The following CACNA2D3 variants were observed in gnomAD, a reference collection of about 807,000 sequenced individuals.
CACNA2D3 encodes calcium voltage-gated channel auxiliary subunit alpha2delta 3, also known as voltage-dependent calcium channel subunit alpha-2/delta-3.
CACNA2D3 carries 60 observed loss-of-function variants against 160.6 expected under a neutral mutation model. That is an observed-to-expected ratio of 0.37 (90% CI 0.30 to 0.46). CACNA2D3 has a LOEUF of 0.46. Ranked by LOEUF, CACNA2D3 falls within the 20% of genes least tolerant of loss-of-function variation. The pLI is 1.00. For missense variants in CACNA2D3, 1,205 were observed against 1,365.0 expected (o/e 0.88, Z 1.85); for synonymous variants, 558 against 492.9 (o/e 1.13, Z -1.75).
chr3:54,355,539 G>A (rs1698634126), intron 3 of CACNA2D3, among the ~76,000 whole-genome samples: 1 of 150,340 alleles, frequency 6.7e-6, no homozygotes, highest in Non-Finnish European at 1.5e-5. Context: ...GGGAGCATGT[G>A]TTGGCCATGG....
At chr3:54,410,889 G>A (rs1575440568) in intron 4 of CACNA2D3, among the ~76,000 whole-genome samples, 2 of 152,142 alleles carry the variant, frequency 1.3e-5, no homozygotes, top group East Asian at 3.8e-4. Flanking sequence ...TTTTGGAAAG[G>A]ATTCACCATT....
chr3:54,678,497 C>A (rs1398670649), intron 11 of CACNA2D3, among the ~76,000 whole-genome samples: 1 of 151,678 alleles, frequency 6.6e-6, no homozygotes, highest in Non-Finnish European at 1.5e-5. Context: ...CCAAGGAGGG[C>A]GGATCATGAG....
chr3:54,530,710 G>A (rs1006928845), intron 5 of CACNA2D3, among the ~76,000 whole-genome samples: 1 of 152,184 alleles, frequency 6.6e-6, no homozygotes, highest in Non-Finnish European at 1.5e-5. Context: ...TTTTATAAAT[G>A]AAGAAGGGAA....
Position 55,073,480 on chromosome 3 carries a change from T to C in CACNA2D3, c.3023T>C (p.Leu1008Pro). 6.2e-7 allele frequency: 1 copy of C among 1,613,974 alleles called. No homozygotes were observed. The highest frequency in any genetic ancestry group is 8.5e-7 in the Non-Finnish European group (1 of 1,179,860). Residue 1008 changes from leucine (L) to proline (P), a missense_variant, in exon 36 of 38, where the codon CTG becomes CCG. This residue lies in a region of CACNA2D3 where 911 missense variants were observed against 1,002.2 expected (regional missense o/e 0.91). Coordinates refer to ENST00000474759, the MANE Select transcript of CACNA2D3 (RefSeq NM_018398.3). Reference protein sequence around the residue: ...FVIQQIPSSNLFMVVVDSSCL... With the variant: ...FVIQQIPSSNPFMVVVDSSCL... ...ATCCAGCAAATCCCAAGCAGCAACC[T>C]GTTCATGGTGGTGGTGGACAGCAGC...
chr3:54,628,114 C>T (rs1465841481), intron 10 of CACNA2D3, among the ~76,000 whole-genome samples: 2 of 152,124 alleles, frequency 1.3e-5, no homozygotes, highest in African/African-American at 4.8e-5. Flanking sequence ...TGCCTGTAGT[C>T]CCAGCTACTC....
At chr3:54,608,752 G>T (rs1466925554) in intron 9 of CACNA2D3, among the ~76,000 whole-genome samples, 1 of 152,190 alleles carries the variant, frequency 6.6e-6, no homozygotes, top group Admixed American at 6.5e-5. Context: ...ATTTCTTTGC[G>T]CAATAAAGTA....
rs1443145728 is a variant in CACNA2D3 at position 54,811,505 on chromosome 3, T to A, written c.1381-5348T>A. On this transcript the variant is annotated intron_variant, in intron 13 of 37. Coordinates refer to ENST00000474759, the MANE Select transcript of CACNA2D3 (RefSeq NM_018398.3). ...TTTTTTTTTTTTTTTTTTTTTTTTTTTTTTTTTTTTGAGACAGCATCTCAC... is the reference window on the plus strand; with the variant it reads ...TTTTTTTTTTTTTTTTTTTTTTTTTATTTTTTTTTTGAGACAGCATCTCAC... Among the ~76,000 whole-genome samples the A allele has an allele frequency of 8.4e-4, 46 of 54,490 alleles. 3 individuals are homozygous for A. The highest frequency in any genetic ancestry group is 3.2e-3 in the African/African-American group (42 of 13,240). The allele number at this position is 54,490 out of a possible 152,430, so 35.7% of individuals were successfully genotyped here.
chr3:54,314,597 A>G (rs941662965), intron 2 of CACNA2D3, among the ~76,000 whole-genome samples: 8 of 152,116 alleles, frequency 5.3e-5, no homozygotes, highest in Non-Finnish European at 8.8e-5. Context: ...GATTATGGCC[A>G]TTCTTGCAGG....
chr3:54,145,023 T>C (rs1157731850), intron 2 of CACNA2D3, among the ~76,000 whole-genome samples: 1 of 152,214 alleles, frequency 6.6e-6, no homozygotes, highest in African/African-American at 2.4e-5. Context: ...AGCTTCACTT[T>C]AAATATCTCT....
chr3:54,379,246 C>G (rs1409583675), intron 3 of CACNA2D3, among the ~76,000 whole-genome samples: 1 of 152,174 alleles, frequency 6.6e-6, no homozygotes, highest in Non-Finnish European at 1.5e-5. Flanking sequence ...ATTTTTGCAG[C>G]TTTCAGGCAG....
intron 13 of CACNA2D3, among the ~76,000 whole-genome samples, chr3:54,774,793 C>A (rs1020645139): frequency 1.3e-5 from 2 of 151,938 alleles, no homozygotes; most frequent in African/African-American, 2.4e-5. Flanking sequence ...CGCCACCACA[C>A]CTGGCTAACT....
intron 35 of CACNA2D3, among the ~76,000 whole-genome samples, chr3:55,068,613 C>A (rs1227786371): frequency 6.6e-6 from 1 of 152,052 alleles, no homozygotes; most frequent in Admixed American, 6.5e-5. Context: ...TGGTACTTTA[C>A]GTATAGTTTT....
chr3:54,325,844 A>T (rs950889296), intron 3 of CACNA2D3, among the ~76,000 whole-genome samples: 15 of 152,208 alleles, frequency 9.9e-5, no homozygotes, highest in Non-Finnish European at 5.9e-5. Context: ...CCTGAAACTC[A>T]CACCTGTAAA....
At chr3:54,947,661 T>C (rs1701648651) in intron 27 of CACNA2D3, among the ~76,000 whole-genome samples, 2 of 152,256 alleles carry the variant, frequency 1.3e-5, no homozygotes, top group Admixed American at 1.3e-4. Context: ...ATTTTTGCTC[T>C]GGCTATACCC....
chr3:54,233,390 G>T (rs1056239793), intron 2 of CACNA2D3, among the ~76,000 whole-genome samples: 1 of 152,200 alleles, frequency 6.6e-6, no homozygotes, highest in African/African-American at 2.4e-5. Context: ...TTAGGCAAGG[G>T]TGAGCACCAC....
chr3:54,753,035 A>G (rs1282209908), intron 12 of CACNA2D3, among the ~76,000 whole-genome samples: 1 of 151,850 alleles, frequency 6.6e-6, no homozygotes, highest in Non-Finnish European at 1.5e-5. Flanking sequence ...TAATTTTTGT[A>G]TTTTTAGTAG....
chr3:54,602,497 C>CAAAAAAAAA (rs1156290031), intron 9 of CACNA2D3, among the ~76,000 whole-genome samples: 1 of 71,210 alleles, frequency 1.4e-5, no homozygotes, highest in East Asian at 5.7e-4. Flanking sequence ...GATTCCATCT[C>CAAAAAAAAA]AAAAAAAAAA....
chr3:54,250,037 T>G (rs1179489729), intron 2 of CACNA2D3, among the ~76,000 whole-genome samples: 1 of 152,214 alleles, frequency 6.6e-6, no homozygotes, highest in Non-Finnish European at 1.5e-5. Flanking sequence ...CATTATGTGC[T>G]TTTCGTGTGA....
At chr3:54,656,682 C>G (rs1439827672) in intron 11 of CACNA2D3, among the ~76,000 whole-genome samples, 1 of 152,230 alleles carries the variant, frequency 6.6e-6, no homozygotes, top group Non-Finnish European at 1.5e-5. Context: ...CCCTGACACC[C>G]TGCTACCTGC....
Sources: gnomAD v4.1 joint callset for allele counts (sites outside exome capture counted in the v4.1 genomes callset) on GRCh38, gnomAD v4.1.1 for gene constraint, gnomAD v4.1.1 regional missense constraint, MANE v1.5 for transcripts, NCBI Gene and HGNC (gene_info 2026-07-23, HGNC 2026-07-21) for gene names.